The following WARS2 variants were observed in gnomAD, a reference collection of about 807,000 sequenced individuals.
WARS2 encodes the protein tryptophanyl tRNA synthetase 2, mitochondrial.
In WARS2, 28 loss-of-function variants were observed where a neutral mutation model predicts 36.5. The ratio of observed to expected loss-of-function variants is 0.77; its 90% CI spans 0.57 to 1.05. WARS2 has a LOEUF of 1.05. Among genes scored for constraint, WARS2 ranks in the 50% least tolerant of loss-of-function variants. WARS2 has a pLI of 0.00. For missense variants in WARS2, 435 were observed against 456.8 expected, an observed-to-expected ratio of 0.95 and a Z score of 0.44; for synonymous variants, 174 against 178.4, an observed-to-expected ratio of 0.98 and a Z score of 0.20.
chr1:119,132,716 A>C (rs1436428606), intron 1 of WARS2, among the ~76,000 whole-genome samples: 1 of 152,212 alleles, frequency 6.6e-6, no homozygotes, highest in Non-Finnish European at 1.5e-5. Flanking sequence ...GGAGTGTGAC[A>C]AAAAGTTCAT....
In WARS2 at chr1:119,034,190, TC is replaced by T; in HGVS notation, c.538del (p.Glu180ArgfsTer9). 6.2e-7 allele frequency: 1 copy of T among 1,613,954 alleles called. No individual in the cohort carries two copies. The highest frequency in any genetic ancestry group is 8.5e-7 in the Non-Finnish European group (1 of 1,179,860). On this transcript the variant is annotated frameshift_variant, in exon 5 of 6. Transcript: ENST00000235521. LOFTEE classifies it high-confidence loss of function. ...LYKSTHVPVG[E>X]DQVQHMELVQ... is the part of the protein sequence containing the mutation. ...TAGTTCCATGTGCTGGACTTGATCC[TC>T]CCCAACAGGAACGTGTGTGGACCTT...
rs587760184 is a variant in WARS2 at position 119,100,697 on chromosome 1, G to C, written c.91-24090C>G. ...TTGTTTTGAGACAGGGTCTCACTCT[G>C]TCACCCAGGCTGGAGTGCAGTGGCC... On this transcript the variant is annotated intron_variant, in intron 1 of 5. Transcript: ENST00000235521. 7.2e-5 allele frequency among the ~76,000 whole-genome samples: 11 copies of C among 152,278 alleles called. No individual in the cohort carries two copies. The South Asian group carries it at 1.5e-3, about 20-fold the overall frequency.
chr1:119,064,218 C>T (rs1306997300), intron 2 of WARS2: 1 of 152,216 alleles, frequency 6.6e-6, no homozygotes, highest in African/African-American at 2.4e-5. Context: ...TGTATGAGCC[C>T]TGTAACCCCT....
intron 2 of WARS2, among the ~76,000 whole-genome samples, chr1:119,074,276 G>C (rs1469110576): frequency 6.6e-6 from 1 of 152,138 alleles, no homozygotes. Context: ...AGAGACCCAG[G>C]GACAGCTAGT....
At chr1:119,128,869 A>C (rs1399222491) in intron 1 of WARS2, among the ~76,000 whole-genome samples, 2 of 152,162 alleles carry the variant, frequency 1.3e-5, no homozygotes, top group Non-Finnish European at 2.9e-5. Context: ...ATGGAAAAGA[A>C]AGACAAGAGG....
At chr1:119,126,062 T>C (rs1186754669) in intron 1 of WARS2, among the ~76,000 whole-genome samples, 1 of 152,194 alleles carries the variant, frequency 6.6e-6, no homozygotes, top group Non-Finnish European at 1.5e-5. Flanking sequence ...GATTTTTCCA[T>C]TTTTTGCTGA....
intron 1 of WARS2, among the ~76,000 whole-genome samples, chr1:119,101,729 T>G (rs1029543191): frequency 3.9e-5 from 6 of 152,144 alleles, no homozygotes; most frequent in African/African-American, 9.7e-5. Flanking sequence ...AGATCTGAAC[T>G]ATCTCAAAGT....
chr1:119,072,407 C>G (rs1440352691), intron 2 of WARS2, among the ~76,000 whole-genome samples: 1 of 151,988 alleles, frequency 6.6e-6, no homozygotes, highest in Non-Finnish European at 1.5e-5. Flanking sequence ...AAAGAGAAAG[C>G]AACTAAAAAA....
intron 1 of WARS2, among the ~76,000 whole-genome samples, chr1:119,101,440 A>G (rs1653856127): frequency 6.6e-6 from 1 of 152,194 alleles, no homozygotes; most frequent in South Asian, 2.1e-4. Context: ...ACAGGTGCTT[A>G]ATATATACTT....
intron 1 of WARS2, among the ~76,000 whole-genome samples, chr1:119,119,251 A>G (rs1296089569): frequency 1.3e-5 from 2 of 152,180 alleles, no homozygotes; most frequent in African/African-American, 4.8e-5. Context: ...AATGGACACC[A>G]AAAGTGAGCA....
intron 2 of WARS2, among the ~76,000 whole-genome samples, chr1:119,072,289 G>T (rs769575349): frequency 6.6e-6 from 1 of 152,096 alleles, no homozygotes; most frequent in African/African-American, 2.4e-5. Context: ...GGCAATCCAC[G>T]GGCAGTAGGT....
intron 1 of WARS2, among the ~76,000 whole-genome samples, chr1:119,101,312 A>C (rs1161922540): frequency 2.6e-5 from 4 of 152,096 alleles, no homozygotes; most frequent in African/African-American, 7.2e-5. Context: ...AAATTTGTAC[A>C]AATAAAAATA....
intron 1 of WARS2, among the ~76,000 whole-genome samples, chr1:119,120,645 C>T (rs1655269998): frequency 6.6e-6 from 1 of 151,520 alleles, no homozygotes; most frequent in Admixed American, 6.6e-5. Flanking sequence ...ATGCAAAAAT[C>T]TTCTATAGCT....
intron 2 of WARS2, among the ~76,000 whole-genome samples, chr1:119,050,659 A>C (rs1272707397): frequency 6.6e-6 from 1 of 152,214 alleles, no homozygotes; most frequent in Non-Finnish European, 1.5e-5. Flanking sequence ...ATGAATAAAC[A>C]TGAATAACAA....
chr1:119,127,208 C>T, intron 1 of WARS2: 1 of 729,314 alleles, frequency 1.4e-6, no homozygotes, highest in East Asian at 2.6e-5. Context: ...CATACCAATC[C>T]TTCTTCGAAA....
intron 1 of WARS2, among the ~76,000 whole-genome samples, chr1:119,105,158 T>C (rs1441589149): frequency 1.3e-5 from 2 of 152,120 alleles, no homozygotes; most frequent in East Asian, 3.9e-4. Context: ...GGAATTTCAA[T>C]AAGACTTGCT....
intron 1 of WARS2, among the ~76,000 whole-genome samples, chr1:119,077,514 G>A (rs1037300764): frequency 5.3e-5 from 8 of 151,990 alleles, no homozygotes; most frequent in African/African-American, 1.9e-4. Flanking sequence ...GAGATCTTGG[G>A]CTAGAAATTA....
chr1:119,086,843 C>T (rs1652710052), intron 1 of WARS2, among the ~76,000 whole-genome samples: 1 of 152,126 alleles, frequency 6.6e-6, no homozygotes, highest in Admixed American at 6.6e-5. Context: ...TCCAATCACA[C>T]CACCTGGGGA....
intron 2 of WARS2, chr1:119,064,851 T>C (rs1650701113): frequency 6.6e-6 from 1 of 152,296 alleles, no homozygotes; most frequent in South Asian, 2.1e-4. Flanking sequence ...AGTATATACC[T>C]ATCTTAAAGG....
Sources: gnomAD v4.1 joint callset for allele counts (sites outside exome capture counted in the v4.1 genomes callset) on GRCh38, gnomAD v4.1.1 for gene constraint, MANE v1.5 for transcripts, NCBI Gene and HGNC (gene_info 2026-07-23, HGNC 2026-07-21) for gene names.